The following SLC44A1 variants were observed in gnomAD, a reference collection of about 807,000 sequenced individuals.
SLC44A1 encodes the protein solute carrier family 44 member 1.
SLC44A1 carries 26 observed loss-of-function variants against 79.3 expected under a neutral mutation model. The observed-to-expected ratio is 0.33, with a 90% CI of 0.24 to 0.46. The LOEUF is 0.46. Among genes scored for constraint, SLC44A1 ranks in the 20% least tolerant of loss-of-function variants. The pLI, the probability that SLC44A1 is intolerant of heterozygous loss-of-function variation, is 1.00. For missense variants in SLC44A1, 688 were observed against 798.1 expected (o/e 0.86, Z 1.66); for synonymous variants, 263 against 286.2 (o/e 0.92, Z 0.82).
intron 15 of SLC44A1, among the ~76,000 whole-genome samples, chr9:105,406,525 G>C (rs1344969152): frequency 6.6e-6 from 1 of 152,138 alleles, no homozygotes; most frequent in Admixed American, 6.5e-5. Context: ...AGGATTGCTT[G>C]AGGCCAGGAG....
At chr9:105,412,663 G>A (rs1486421011) in intron 15 of SLC44A1, among the ~76,000 whole-genome samples, 3 of 151,816 alleles carry the variant, frequency 2.0e-5, no homozygotes, top group East Asian at 1.9e-4. Flanking sequence ...GTGCAGTGGC[G>A]CCATCTCAGC....
chr9:105,349,564 C>G (rs1024069636), intron 5 of SLC44A1, among the ~76,000 whole-genome samples: 4 of 152,064 alleles, frequency 2.6e-5, no homozygotes, highest in African/African-American at 9.7e-5. Context: ...GAGAGACTTA[C>G]AAATTATGGC....
rs370325898 is a variant in SLC44A1 at position 105,393,433 on chromosome 9, TTAGAA to T, written c.*4381_*4385del. 8.3e-5 allele frequency: 82 copies of T among 985,134 alleles called. 1 individual carries two copies. In the African/African-American group the frequency reaches 1.3e-3, roughly 16 times the overall value. The allele number at this position is 985,134 out of a possible 1,614,324, so 61.0% of individuals were successfully genotyped here. A position where few individuals can be genotyped will look rare whatever the true frequency, so the allele number is the denominator to read the frequency against. On this transcript the variant is annotated 3_prime_UTR_variant, in exon 16 of 16. Transcript: ENST00000374720. ...TTACACGTCGTGTACAGTTATGAAT[TTAGAA>T]TAGCACACTTTTTCCATTCAGATTT...
intron 15 of SLC44A1, among the ~76,000 whole-genome samples, chr9:105,386,905 G>C (rs1429924227): frequency 1.4e-5 from 2 of 147,446 alleles, no homozygotes; most frequent in Non-Finnish European, 1.5e-5. Flanking sequence ...TGGGCATGGC[G>C]GCGTGTGCCT....
chr9:105,403,268 A>G (rs1424792906), intron 15 of SLC44A1, among the ~76,000 whole-genome samples: 2 of 152,118 alleles, frequency 1.3e-5, no homozygotes, highest in South Asian at 2.1e-4. Context: ...AGGAAAACAC[A>G]AAGATCGATA....
intron 15 of SLC44A1, among the ~76,000 whole-genome samples, chr9:105,421,844 C>T (rs992203660): frequency 6.6e-6 from 1 of 152,206 alleles, no homozygotes; most frequent in African/African-American, 2.4e-5. Flanking sequence ...GCCTCGGCCT[C>T]CCAAAGTGCT....
chr9:105,407,800 G>A (rs534480143), intron 15 of SLC44A1, among the ~76,000 whole-genome samples: 30 of 152,162 alleles, frequency 2.0e-4, no homozygotes, highest in Admixed American at 1.9e-3. Flanking sequence ...AACCTGGGAG[G>A]TGGAGATTAC....
chr9:105,369,632 T>G (rs1426411083), intron 12 of SLC44A1, among the ~76,000 whole-genome samples: 2 of 152,226 alleles, frequency 1.3e-5, no homozygotes, highest in African/African-American at 4.8e-5. Flanking sequence ...CTTTAATTTA[T>G]ACGAATCCAC....
chr9:105,396,663 A>G lies in SLC44A1; in HGVS notation c.*7607A>G, dbSNP rs1000212161. On this transcript the variant is annotated 3_prime_UTR_variant, in exon 16 of 16. Coordinates refer to ENST00000374720, the MANE Select transcript of SLC44A1 (RefSeq NM_080546.5). ...TGTCTTGATTTCTCGCAGCTGTGTA[A>G]TGTGGCATGAGAAGTATGTTTTGGT... 1 of 984,884 alleles carries G rather than the reference A, an allele frequency of 1.0e-6. No individual in the cohort carries two copies. Among genetic ancestry groups the G allele is most frequent in the Non-Finnish European group, 1.2e-6 (1 of 829,884 alleles). The allele number at this position is 984,884 out of a possible 1,614,324, so 61.0% of individuals were successfully genotyped here.
chr9:105,295,360 C>T (rs1320189239), intron 1 of SLC44A1, among the ~76,000 whole-genome samples: 1 of 152,210 alleles, frequency 6.6e-6, no homozygotes. Context: ...AGAGACCTAA[C>T]ATTTACTGAA....
intron 4 of SLC44A1, among the ~76,000 whole-genome samples, chr9:105,344,043 G>A (rs1338027230): frequency 1.3e-5 from 2 of 152,134 alleles, no homozygotes; most frequent in African/African-American, 4.8e-5. Context: ...CTCCCAGCAT[G>A]TAGTGTTTCT....
chr9:105,410,599 G>A (rs535794821), intron 15 of SLC44A1, among the ~76,000 whole-genome samples: 3 of 152,164 alleles, frequency 2.0e-5, no homozygotes, highest in Non-Finnish European at 4.4e-5. Flanking sequence ...ATACATTGCT[G>A]GTGAGAATGT....
intron 3 of SLC44A1, among the ~76,000 whole-genome samples, chr9:105,319,716 G>T (rs1675207874): frequency 6.6e-6 from 1 of 152,056 alleles, no homozygotes; most frequent in Non-Finnish European, 1.5e-5. Context: ...CTCCTATAAG[G>T]CTTAGAAATT....
chr9:105,323,318 C>G (rs1448351791), intron 3 of SLC44A1, among the ~76,000 whole-genome samples: 1 of 150,546 alleles, frequency 6.6e-6, no homozygotes, highest in African/African-American at 2.4e-5. Flanking sequence ...ACAATGGGAA[C>G]AACATTTAGA....
chr9:105,429,994 C>CTCCTCCTGCCTCAGTGA (rs1397016413), intron 15 of SLC44A1, among the ~76,000 whole-genome samples: 41 of 152,206 alleles, frequency 2.7e-4, no homozygotes, highest in African/African-American at 9.4e-4. Flanking sequence ...CCCTTCCAGG[C>CTCCTCCTGCCTCAGTGA]TCCTCCTGCC....
intron 1 of SLC44A1, among the ~76,000 whole-genome samples, chr9:105,258,810 C>T (rs1423889223): frequency 6.6e-6 from 1 of 152,140 alleles, no homozygotes; most frequent in Non-Finnish European, 1.5e-5. Flanking sequence ...GCCTCAGCCT[C>T]CCAAGTAGCT....
chr9:105,379,111 C>CA (rs921880541), intron 13 of SLC44A1, among the ~76,000 whole-genome samples: 5 of 151,918 alleles, frequency 3.3e-5, no homozygotes, highest in South Asian at 2.1e-4. Context: ...CCCATCTCTG[C>CA]AAAAAAATAC....
chr9:105,295,832 G>T (rs1830708825), intron 1 of SLC44A1, among the ~76,000 whole-genome samples: 3 of 152,160 alleles, frequency 2.0e-5, no homozygotes, highest in Admixed American at 2.0e-4. Flanking sequence ...TTCTGAGCCT[G>T]AGTTTCCTCA....
chr9:105,345,343 T>C (rs1402696306), intron 4 of SLC44A1, among the ~76,000 whole-genome samples: 1 of 152,200 alleles, frequency 6.6e-6, no homozygotes, highest in Non-Finnish European at 1.5e-5. Context: ...GTTGGAACCA[T>C]TAGCCAGGAC....
Sources: allele counts gnomAD v4.1 joint callset (sites outside exome capture counted in the v4.1 genomes callset), GRCh38; gene constraint gnomAD v4.1.1; transcripts MANE v1.5; gene names NCBI Gene and HGNC (gene_info 2026-07-23, HGNC 2026-07-21).